MZT1: variants seen among roughly 807,000 people sequenced by gnomAD.
The protein encoded by MZT1 is mitotic-spindle organizing protein 1.
Under a neutral mutation model 8.5 loss-of-function variants are expected in MZT1, and 8 were observed. The observed-to-expected ratio is 0.94, with a 90% CI of 0.55 to 1.70. MZT1 has a LOEUF of 1.70. MZT1 is among the 40% of genes most tolerant of loss of function. MZT1 has a pLI of 0.00. For synonymous variants in MZT1, 38 were observed against 42.0 expected (o/e 0.90, Z 0.37); for missense variants, 93 against 108.6 (o/e 0.86, Z 0.64).
chr13:72,727,463 C>A, intron 1 of MZT1, 61 bp downstream of exon 1: 3 of 1,539,238 alleles, frequency 1.9e-6, no homozygotes, highest in Non-Finnish European at 2.7e-6. Context: ...GGCTCATTCC[C>A]GCCTGGGGGC....
chr13:72,712,066 A>G (rs1324641465), intron 2 of MZT1, among the ~76,000 whole-genome samples: 2 of 152,210 alleles, frequency 1.3e-5, no homozygotes, highest in Non-Finnish European at 2.9e-5. Flanking sequence ...TCTGAATTAA[A>G]TATCTTAAAA....
intron 1 of MZT1, among the ~76,000 whole-genome samples, chr13:72,727,216 G>A (rs868653990): frequency 1.3e-5 from 2 of 152,182 alleles, no homozygotes; most frequent in Non-Finnish European, 2.9e-5. Context: ...GCAGGAGATC[G>A]GGCGGGTAGG....
At position 72,724,752 on chromosome 13, in the gene MZT1, A is replaced by ATATGTGTGTG. The variant is rs1180726488; in HGVS notation, c.79+2771_79+2772insCACACACATA. ...TATATATATATATACACATATATAT[A>ATATGTGTGTG]TGTAAAGTGGTGCTACAGGCCGGGC... On this transcript the variant is annotated intron_variant, in intron 1 of 2. Transcript: ENST00000377818. 2.4e-3 allele frequency among the ~76,000 whole-genome samples: 137 copies of ATATGTGTGTG among 56,884 alleles called. 16 individuals are homozygous for ATATGTGTGTG. Among genetic ancestry groups the ATATGTGTGTG allele is most frequent in the Non-Finnish European group, 3.6e-3 (97 of 26,826 alleles). The allele number at this position is 56,884 out of a possible 152,430, so 37.3% of individuals were successfully genotyped here.
intron 2 of MZT1, among the ~76,000 whole-genome samples, chr13:72,716,767 T>C (rs559936705): frequency 7.2e-4 from 110 of 152,230 alleles, no homozygotes; most frequent in Non-Finnish European, 1.5e-3. Flanking sequence ...GAATAGGACA[T>C]GTTTTTAGTT....
At chr13:72,718,097 C>G (rs2032553825) in intron 2 of MZT1, among the ~76,000 whole-genome samples, 1 of 152,224 alleles carries the variant, frequency 6.6e-6, no homozygotes, top group South Asian at 2.1e-4. Flanking sequence ...GGCCAGAAAT[C>G]CATACCTACT....
rs1292958199 is a variant in MZT1 at position 72,721,082 on chromosome 13, T to C, written c.80-1985A>G. Among the ~76,000 whole-genome samples the C allele has an allele frequency of 3.3e-5, 5 of 152,196 alleles. No individual in the cohort carries two copies. The East Asian group carries it at 7.7e-4, about 23-fold the overall frequency. On this transcript the variant is annotated intron_variant, in intron 1 of 2. Coordinates refer to ENST00000377818, the MANE Select transcript of MZT1 (RefSeq NM_001071775.3). The stretch of plus-strand genomic sequence containing the variant: ...GAATTTTTCACATCATGGGTCATAC[T>C]GTTCTGCCTTGCATATCTGGTAATC...
In MZT1 at chr13:72,717,547, C is replaced by G. The variant is rs149303491; in HGVS notation, c.225+1405G>C. Among the ~76,000 whole-genome samples the G allele has an allele frequency of 3.6e-3, 545 of 152,178 alleles. 5 individuals are homozygous for G. The highest frequency in any genetic ancestry group is 0.013 in the African/African-American group (522 of 41,528). ...AGAGATGGAGTTTCATTATGTTGGT[C>G]AGGCTGGTTTTGAACTCCTGACATC... On this transcript the variant is annotated intron_variant, in intron 2 of 2. Transcript: ENST00000377818.
At position 72,720,915 on chromosome 13, in the gene MZT1, A is replaced by G. The variant is rs183401721; in HGVS notation, c.80-1818T>C. Among the ~76,000 whole-genome samples the G allele has an allele frequency of 1.0e-4, 13 of 129,230 alleles. No individual in the cohort carries two copies. The Admixed American group carries it at 1.0e-3, about 10-fold the overall frequency. 84.8% of individuals were successfully genotyped at this position (129,230 alleles called of 152,430 possible). A position where few individuals can be genotyped will look rare whatever the true frequency, so the allele number is the denominator to read the frequency against. On this transcript the variant is annotated intron_variant, in intron 1 of 2. Transcript: ENST00000377818. Reference sequence around the variant, plus strand: ...AAAGAAAAAACAAACAAACAAAAATAGCAGTTCAATTTGAGTCTTAAAAAA... The same window carrying G: ...AAAGAAAAAACAAACAAACAAAAATGGCAGTTCAATTTGAGTCTTAAAAAA...
chr13:72,725,938 A>G (rs950475489), intron 1 of MZT1, among the ~76,000 whole-genome samples: 12 of 152,144 alleles, frequency 7.9e-5, no homozygotes, highest in African/African-American at 2.9e-4. Context: ...TCCACTTACA[A>G]AATAAAACTA....
intron 2 of MZT1, among the ~76,000 whole-genome samples, chr13:72,714,208 G>T (rs1269472125): frequency 6.6e-6 from 1 of 152,218 alleles, no homozygotes; most frequent in Non-Finnish European, 1.5e-5. Flanking sequence ...ATCTGTGGAA[G>T]TTTGGACTTG....
intron 2 of MZT1, among the ~76,000 whole-genome samples, chr13:72,717,092 C>T (rs1320325063): frequency 6.6e-6 from 1 of 152,210 alleles, no homozygotes; most frequent in East Asian, 1.9e-4. Flanking sequence ...TTAGCCCTGT[C>T]TCCAGAACAT....
At chr13:72,724,727 T>TAG (rs1484611192) in intron 1 of MZT1, among the ~76,000 whole-genome samples, 2 of 30,446 alleles carry the variant, frequency 6.6e-5, no homozygotes, top group African/African-American at 9.7e-5. Context: ...TACATATATA[T>TAG]ATATATATAT....
intron 1 of MZT1, among the ~76,000 whole-genome samples, chr13:72,722,786 CCT>C (rs2032603611): frequency 6.6e-6 from 1 of 152,160 alleles, no homozygotes; most frequent in Admixed American, 6.5e-5. Flanking sequence ...TGGGGGGAAA[CCT>C]CTCTCTTCCT....
intron 2 of MZT1, among the ~76,000 whole-genome samples, chr13:72,713,709 TG>T (rs2138007548): frequency 6.6e-6 from 1 of 152,264 alleles, no homozygotes; most frequent in African/African-American, 2.4e-5. Context: ...TGACTGTACT[TG>T]CTGACTGAGC....
rs1349576308 is a variant in MZT1 at position 72,708,726 on chromosome 13, A to T, written c.*1596T>A. On this transcript the variant is annotated 3_prime_UTR_variant, in exon 3 of 3. Transcript: ENST00000377818. The stretch of plus-strand genomic sequence containing the variant: ...ATCAAATGACTTTTTACAAATTCCT[A>T]CTGTCTCCTCAACCTGTTCTACCAG... 2 of 151,972 alleles carry T rather than the reference A, an allele frequency of 1.3e-5. No homozygotes were observed. The highest frequency in any genetic ancestry group is 2.9e-5 in the Non-Finnish European group (2 of 67,976). The allele number at this position is 151,972 out of a possible 1,614,324, so 9.4% of individuals were successfully genotyped here.
chr13:72,725,090 A>G (rs139986405), intron 1 of MZT1, among the ~76,000 whole-genome samples: 10 of 151,822 alleles, frequency 6.6e-5, no homozygotes, highest in African/African-American at 2.4e-4. Flanking sequence ...AAAGCCTCTC[A>G]TAAGGAATAA....
Position 72,709,933 on chromosome 13 carries a change from A to AATGG in MZT1, c.*388_*389insCCAT, listed in dbSNP as rs1438946807. ...AATTAAAGTTTATAATGGAAATGTC[A>AATGG]ACAAGTCATAACTACTACACATTAC... On this transcript the variant is annotated 3_prime_UTR_variant, in exon 3 of 3. Coordinates refer to ENST00000377818, the MANE Select transcript of MZT1 (RefSeq NM_001071775.3). 5.9e-6 allele frequency: 1 copy of AATGG among 169,814 alleles called. No individual in the cohort carries two copies. The highest frequency in any genetic ancestry group is 1.3e-5 in the Non-Finnish European group (1 of 79,990). The allele number at this position is 169,814 out of a possible 1,614,324, so 10.5% of individuals were successfully genotyped here.
At chr13:72,716,067 C>A (rs1057448680) in intron 2 of MZT1, among the ~76,000 whole-genome samples, 1 of 152,004 alleles carries the variant, frequency 6.6e-6, no homozygotes, top group African/African-American at 2.4e-5. Flanking sequence ...ACAGTGCCTG[C>A]CATAATGCCT....
At chr13:72,722,300 G>C (rs1018614598) in intron 1 of MZT1, among the ~76,000 whole-genome samples, 1 of 152,144 alleles carries the variant, frequency 6.6e-6, no homozygotes, top group African/African-American at 2.4e-5. Context: ...TGTTTTAAAG[G>C]ATTAGTGTGA....
Sources: allele counts gnomAD v4.1 joint callset (sites outside exome capture counted in the v4.1 genomes callset), GRCh38; gene constraint gnomAD v4.1.1; transcripts MANE v1.5; gene names NCBI Gene and HGNC (gene_info 2026-07-23, HGNC 2026-07-21).